GALNT11: variants seen among roughly 807,000 people sequenced by gnomAD.
GALNT11 encodes UDP-GalNAc:polypeptide N-acetylgalactosaminyltransferase 11.
Under a neutral mutation model 72.7 loss-of-function variants are expected in GALNT11, and 47 were observed. The observed-to-expected ratio is 0.65, with a 90% CI of 0.51 to 0.82. The LOEUF (loss-of-function observed/expected upper bound fraction) is 0.82, where lower values mean the gene tolerates loss of function less well. GALNT11 is among the 40% of genes least tolerant of loss of function. The pLI, the probability that GALNT11 is intolerant of heterozygous loss-of-function variation, is 0.00. For missense variants in GALNT11, 677 were observed against 778.4 expected (o/e 0.87, Z 1.55); for synonymous variants, 270 against 286.6 (o/e 0.94, Z 0.58).
intron 10 of GALNT11, 70 bp downstream of exon 10, chr7:152,118,852 G>A: frequency 7.9e-7 from 1 of 1,272,932 alleles, no homozygotes; most frequent in Admixed American, 2.2e-5. Context: ...GCTGCTGCCA[G>A]TCACTCCTGA....
At chr7:152,096,199 A>C (rs2086360037) in intron 2 of GALNT11, among the ~76,000 whole-genome samples, 1 of 152,332 alleles carries the variant, frequency 6.6e-6, no homozygotes, top group East Asian at 1.9e-4. Flanking sequence ...GGTATCACCC[A>C]AAGCAATATG....
intron 1 of GALNT11, among the ~76,000 whole-genome samples, chr7:152,048,173 A>T (rs1465656106): frequency 6.6e-6 from 1 of 151,388 alleles, no homozygotes; most frequent in Non-Finnish European, 1.5e-5. Flanking sequence ...TTTTTGCGGG[A>T]TATAGTATTC....
rs972988293 is a variant in GALNT11 at position 152,094,049 on chromosome 7, C to G, written c.-38-141C>G. 1.4e-6 allele frequency: 1 copy of G among 706,186 alleles called. No homozygotes were observed. The allele number at this position is 706,186 out of a possible 1,614,324, so 43.7% of individuals were successfully genotyped here. A position where few individuals can be genotyped will look rare whatever the true frequency, so the allele number is the denominator to read the frequency against. Reference sequence around the variant, plus strand: ...ACCCTTTTTAAAAACTCAGTACTATCCATACATCTTCTTGTATTTGAATAT... The same window carrying G: ...ACCCTTTTTAAAAACTCAGTACTATGCATACATCTTCTTGTATTTGAATAT... On this transcript the variant is annotated intron_variant, in intron 1 of 11. Transcript: ENST00000430044. The surrounding 1 kb of genome is among the most constrained non-coding windows in gnomAD (Gnocchi z 4.3).
intron 1 of GALNT11, among the ~76,000 whole-genome samples, chr7:152,051,014 G>A (rs1046790429): frequency 3.3e-5 from 5 of 152,242 alleles, no homozygotes; most frequent in African/African-American, 7.2e-5. Context: ...AGCAATTCAC[G>A]ACTTTATCCT....
chr7:152,093,189 A>T (rs1460369734), intron 1 of GALNT11, among the ~76,000 whole-genome samples: 1 of 150,436 alleles, frequency 6.6e-6, no homozygotes, highest in Non-Finnish European at 1.5e-5. Flanking sequence ...AGATCCCACC[A>T]CTTTACTCCA....
At chr7:152,101,721 C>T (rs1048654500) in intron 3 of GALNT11, among the ~76,000 whole-genome samples, 1 of 151,814 alleles carries the variant, frequency 6.6e-6, no homozygotes, top group Non-Finnish European at 1.5e-5. Context: ...ATAACCTCCA[C>T]CTCCCAAGTT....
At chr7:152,078,462 A>G (rs950244441) in intron 1 of GALNT11, among the ~76,000 whole-genome samples, 2 of 152,120 alleles carry the variant, frequency 1.3e-5, no homozygotes, top group South Asian at 4.1e-4. Flanking sequence ...CGGCCTCCCA[A>G]AGTGCTGGGA....
At chr7:152,117,515 C>G (rs2088987109) in intron 9 of GALNT11, 140 bp downstream of exon 9, 2 of 805,800 alleles carry the variant, frequency 2.5e-6, no homozygotes, top group East Asian at 5.2e-5. Flanking sequence ...TCATTATATT[C>G]TCTTTATGGG....
chr7:152,025,884 G>C lies in GALNT11; in HGVS notation c.-39G>C, dbSNP rs897094112. ...GGCGATCCTGGGCTGCGGGCAAGGC[G>C]GTGAGTACCCTCTAGGCGGCGGCCT... On this transcript the variant is annotated splice_region_variant and 5_prime_UTR_variant, in exon 1 of 12. Coordinates refer to ENST00000430044, the MANE Select transcript of GALNT11 (RefSeq NM_022087.4). The C allele has an allele frequency of 3.7e-6, 1 of 273,002 alleles. No individual in the cohort carries two copies. Among genetic ancestry groups the C allele is most frequent in the Non-Finnish European group, 7.9e-6 (1 of 127,028 alleles). 16.9% of individuals were successfully genotyped at this position (273,002 alleles called of 1,614,324 possible). A position where few individuals can be genotyped will look rare whatever the true frequency, so the allele number is the denominator to read the frequency against.
chr7:152,103,020 G>A, intron 3 of GALNT11, 92 bp from the exon 4 acceptor site: 3 of 1,165,850 alleles, frequency 2.6e-6, no homozygotes, highest in South Asian at 1.6e-5. Context: ...GGAAGAGGGT[G>A]AACAAGGGGA....
chr7:152,090,398 G>A, intron 1 of GALNT11, among the ~76,000 whole-genome samples: 1 of 151,974 alleles, frequency 6.6e-6, no homozygotes, highest in Non-Finnish European at 1.5e-5. Context: ...TTAATTCATA[G>A]TTTGTGGTCA....
At chr7:152,056,692 TGG>T (rs1168534966) in intron 1 of GALNT11, among the ~76,000 whole-genome samples, 5 of 152,220 alleles carry the variant, frequency 3.3e-5, no homozygotes, top group African/African-American at 9.6e-5. Flanking sequence ...GAATGGACTC[TGG>T]AGGCTGTGTC....
intron 2 of GALNT11, 52 bp from the exon 3 acceptor site, chr7:152,100,746 T>A: frequency 6.3e-7 from 1 of 1,597,792 alleles, no homozygotes; most frequent in South Asian, 1.1e-5. Flanking sequence ...TCGTTAACAG[T>A]AACATGATAC....
At chr7:152,045,586 T>C (rs1038112773) in intron 1 of GALNT11, among the ~76,000 whole-genome samples, 3 of 152,324 alleles carry the variant, frequency 2.0e-5, no homozygotes, top group Admixed American at 1.3e-4. Context: ...TTGCTCATAG[T>C]AGCCTCTCAT....
At chr7:152,082,600 G>T (rs147798902) in intron 1 of GALNT11, among the ~76,000 whole-genome samples, 1 of 152,228 alleles carries the variant, frequency 6.6e-6, no homozygotes, top group Non-Finnish European at 1.5e-5. Flanking sequence ...GCTAAAGTGT[G>T]GGAGCTAAGA....
chr7:152,101,642 T>TGG lies in GALNT11; in HGVS notation c.419+732_419+733dup, dbSNP rs35797393. 3.0e-3 allele frequency among the ~76,000 whole-genome samples: 283 copies of TGG among 93,120 alleles called. 4 individuals carry two copies. Among genetic ancestry groups the TGG allele is most frequent in the African/African-American group, 9.3e-3 (234 of 25,156 alleles). 61.1% of individuals were successfully genotyped at this position (93,120 alleles called of 152,430 possible). A position where few individuals can be genotyped will look rare whatever the true frequency, so the allele number is the denominator to read the frequency against. ...GTTCTCTAAGTTCATGGCTTTTTTT[T>TGG]GGGGGGGGGGGGATGGAGTCTTTCT... On this transcript the variant is annotated intron_variant, in intron 3 of 11. Transcript: ENST00000430044.
intron 1 of GALNT11, among the ~76,000 whole-genome samples, chr7:152,084,655 CA>C (rs1031397355): frequency 2.0e-5 from 3 of 152,288 alleles, no homozygotes; most frequent in Middle Eastern, 3.4e-3. Context: ...GTGGTCTGCT[CA>C]CACATTATAC....
rs1017013860 is a variant in GALNT11 at position 152,120,697 on chromosome 7, G to C, written c.1558-134G>C. The C allele has an allele frequency of 1.6e-5, 12 of 741,280 alleles. No homozygotes were observed. The African/African-American group carries it at 2.1e-4, about 13-fold the overall frequency. 45.9% of individuals were successfully genotyped at this position (741,280 alleles called of 1,614,324 possible). ...AGTGGAATGAACCAAGTTGAAATCTGCTTCCCTGTAAGTCTAGTGCATTGG... is the reference window on the plus strand; with the variant it reads ...AGTGGAATGAACCAAGTTGAAATCTCCTTCCCTGTAAGTCTAGTGCATTGG... On this transcript the variant is annotated intron_variant, in intron 10 of 11. Coordinates refer to ENST00000430044, the MANE Select transcript of GALNT11 (RefSeq NM_022087.4).
chr7:152,081,082 ATTAT>A (rs1277749149), intron 1 of GALNT11, among the ~76,000 whole-genome samples: 3 of 152,252 alleles, frequency 2.0e-5, no homozygotes, highest in Non-Finnish European at 2.9e-5. Context: ...TTTCTTTAGG[ATTAT>A]TTAAGATTTT....
Sources: allele counts gnomAD v4.1 joint callset (sites outside exome capture counted in the v4.1 genomes callset), GRCh38; gene constraint gnomAD v4.1.1; non-coding constraint Gnocchi (gnomAD v3.1); transcripts MANE v1.5; gene names NCBI Gene and HGNC (gene_info 2026-07-23, HGNC 2026-07-21).